PM20D2: variants seen among roughly 807,000 people sequenced by gnomAD.
PM20D2 encodes the protein xaa-Arg dipeptidase.
A neutral mutation model predicts 42.9 loss-of-function variants in PM20D2; 33 were observed. That is an observed-to-expected ratio of 0.77 (90% CI 0.58 to 1.03). The LOEUF is 1.03. PM20D2 is among the 50% of genes least tolerant of loss of function. The probability of loss-of-function intolerance (pLI) is 0.00; values close to 1 mark genes in which losing one functional copy is unlikely to be tolerated. For synonymous variants in PM20D2, 250 were observed against 228.2 expected (o/e 1.10, Z -0.86); for missense variants, 548 against 557.0 (o/e 0.98, Z 0.16).
Position 89,162,374 on chromosome 6 carries a change from A to ACT in PM20D2, c.*112_*113insTC. 8.9e-7 allele frequency: 1 copy of ACT among 1,121,444 alleles called. No individual in the cohort carries two copies. Among genetic ancestry groups the ACT allele is most frequent in the Non-Finnish European group, 1.2e-6 (1 of 804,440 alleles). The allele number at this position is 1,121,444 out of a possible 1,614,324, so 69.5% of individuals were successfully genotyped here. On this transcript the variant is annotated 3_prime_UTR_variant, in exon 7 of 7. Transcript: ENST00000275072. ...ATCTTAAAGGAGTAAAATTCTTTTT[A>ACT]CCTGATAAGTGAGGACAGGGTGTGG... is the stretch of plus-strand genomic sequence containing the variant.
chr6:89,104,225 T>A, the PM20D2 span, among the ~76,000 whole-genome samples: 2 of 19,126 alleles, frequency 1.0e-4, no homozygotes, highest in Non-Finnish European at 3.5e-4. Context: ...CTCATCACCT[T>A]TTTTTTTTTT....
chr6:89,139,739 C>T, the PM20D2 span, among the ~76,000 whole-genome samples: 65 of 152,050 alleles, frequency 4.3e-4, no homozygotes, highest in Admixed American at 1.8e-3. Flanking sequence ...AGGGTGGGGC[C>T]CCAGCTGGAG....
At chr6:89,159,417 A>G (rs1256022696) in intron 5 of PM20D2, among the ~76,000 whole-genome samples, 2 of 152,172 alleles carry the variant, frequency 1.3e-5, no homozygotes, top group Non-Finnish European at 2.9e-5. Flanking sequence ...AATAAGATGA[A>G]TATGGTCTAG....
the PM20D2 span, among the ~76,000 whole-genome samples, chr6:89,109,039 A>G: frequency 6.6e-6 from 1 of 152,124 alleles, no homozygotes; most frequent in Non-Finnish European, 1.5e-5. Flanking sequence ...ATACTTATTG[A>G]GCACCTACCA....
Position 89,148,311 on chromosome 6 carries a change from T to G in PM20D2, c.466-954T>G, listed in dbSNP as rs143095126. On this transcript the variant is annotated intron_variant, in intron 1 of 6. Transcript: ENST00000275072. ...CTAACTTCAAATGGTTGTTCTCAATTTTAGCAAGGTTAAGTTATTAATTAT... is the reference window on the plus strand; with the variant it reads ...CTAACTTCAAATGGTTGTTCTCAATGTTAGCAAGGTTAAGTTATTAATTAT... Among the ~76,000 whole-genome samples, 8 of 152,286 alleles carry G rather than the reference T, an allele frequency of 5.3e-5. No individual in the cohort carries two copies. In the East Asian group the frequency reaches 1.5e-3, roughly 29 times the overall value.
the PM20D2 span, among the ~76,000 whole-genome samples, chr6:89,103,763 A>G: frequency 2.0e-5 from 3 of 152,090 alleles, no homozygotes; most frequent in Non-Finnish European, 2.9e-5. Flanking sequence ...CCTGGTCCAT[A>G]TAATTAATTT....
At chr6:89,133,270 A>T in the PM20D2 span, among the ~76,000 whole-genome samples, 1 of 151,262 alleles carries the variant, frequency 6.6e-6, no homozygotes, top group East Asian at 1.9e-4. Flanking sequence ...AAAATTTAAT[A>T]AAAGAACATA....
At chr6:89,149,896 A>G (rs956229276) in intron 2 of PM20D2, among the ~76,000 whole-genome samples, 1 of 152,184 alleles carries the variant, frequency 6.6e-6, no homozygotes, top group Non-Finnish European at 1.5e-5. Context: ...GGAACTTCTC[A>G]TTCTGTGCTT....
intron 3 of PM20D2, among the ~76,000 whole-genome samples, chr6:89,153,581 T>C (rs908848397): frequency 6.6e-6 from 1 of 152,146 alleles, no homozygotes; most frequent in African/African-American, 2.4e-5. Context: ...GTGCTGTTAG[T>C]CCTGAGTAAT....
chr6:89,096,527 GC>G, the PM20D2 span: 1 of 152,158 alleles, frequency 6.6e-6, no homozygotes, highest in Admixed American at 6.5e-5. Context: ...CTCCTAAGCA[GC>G]CCAGGGATTA....
rs1771332395 is a variant in PM20D2, at chr6:89,164,135, A to T, written c.*1872A>T. On this transcript the variant is annotated 3_prime_UTR_variant, in exon 7 of 7. Transcript: ENST00000275072. ...CTACTCAAGAAATTTTCCCTTTTTAATTGCCTCTATAGCACTCATAAGAGC... is the reference window on the plus strand; with the variant it reads ...CTACTCAAGAAATTTTCCCTTTTTATTTGCCTCTATAGCACTCATAAGAGC... The T allele has an allele frequency of 1.3e-5, 2 of 152,180 alleles. 1 individual carries two copies. The highest frequency in any genetic ancestry group is 4.1e-4 in the South Asian group (2 of 4,830). The allele number at this position is 152,180 out of a possible 1,614,324, so 9.4% of individuals were successfully genotyped here. A position where few individuals can be genotyped will look rare whatever the true frequency, so the allele number is the denominator to read the frequency against.
In PM20D2 at chr6:89,158,357, C is replaced by T; in HGVS notation, c.945C>T (p.Tyr315=). 3.7e-6 allele frequency: 6 copies of T among 1,602,626 alleles called. No individual in the cohort carries two copies. The highest frequency in any genetic ancestry group is 1.4e-5 in the African/African-American group (1 of 74,072). The part of the protein sequence containing the change: ...VEIKGGAHDY[Y]NVLPNKSLWK... ...TTAAAGGTGGAGCACATGATTATTACAATGTTCTTCCCAATAAGAGCCTAT... is the reference window on the plus strand; with the variant it reads ...TTAAAGGTGGAGCACATGATTATTATAATGTTCTTCCCAATAAGAGCCTAT... Residue 315 remains tyrosine (Y), a synonymous_variant, in exon 5 of 7, where the codon TAC becomes TAT. Transcript: ENST00000275072.
the PM20D2 span, among the ~76,000 whole-genome samples, chr6:89,108,993 A>ATC: frequency 6.6e-6 from 1 of 152,196 alleles, no homozygotes; most frequent in Non-Finnish European, 1.5e-5. Context: ...GACAGTGACA[A>ATC]TGTCTTTTTT....
chr6:89,099,060 T>C, the PM20D2 span: 7 of 1,279,910 alleles, frequency 5.5e-6, no homozygotes, highest in African/African-American at 1.5e-5. Context: ...TTTTACTAGA[T>C]AAGCTAAAAA....
the PM20D2 span, among the ~76,000 whole-genome samples, chr6:89,130,026 G>A: frequency 6.6e-6 from 1 of 150,712 alleles, no homozygotes; most frequent in South Asian, 2.1e-4. Flanking sequence ...GTGAGCCACT[G>A]TGCCTGGCTC....
chr6:89,138,600 C>T, the PM20D2 span, among the ~76,000 whole-genome samples: 3 of 152,132 alleles, frequency 2.0e-5, no homozygotes, highest in Admixed American at 2.0e-4. Flanking sequence ...GGCATGGTGG[C>T]TTACTTTGGG....
Position 89,153,266 on chromosome 6 carries a change from A to T in PM20D2, c.757+81A>T, listed in dbSNP as rs536376005. On this transcript the variant is annotated intron_variant, in intron 3 of 6. Transcript: ENST00000275072. ...TATAATTATTTAATATTCAATTTTT[A>T]AAAATTTGGAAATATTTTTGTACTT... 6 of 1,131,352 alleles carry T rather than the reference A, an allele frequency of 5.3e-6. 1 individual carries two copies. The highest frequency in any genetic ancestry group is 2.8e-4 in the Middle Eastern group (1 of 3,562). The allele number at this position is 1,131,352 out of a possible 1,614,324, so 70.1% of individuals were successfully genotyped here.
the PM20D2 span, among the ~76,000 whole-genome samples, chr6:89,131,459 G>A: frequency 0.019 from 2,936 of 151,642 alleles, 89 homozygotes; most frequent in African/African-American, 0.065. Context: ...AGACTGAGGC[G>A]GGAAGATAAT....
At chr6:89,098,540 T>C in the PM20D2 span, 3 of 1,548,762 alleles carry the variant, frequency 1.9e-6, no homozygotes, top group South Asian at 1.3e-5. Flanking sequence ...GTTTAATAAC[T>C]TATATTAAAG....
Sources: allele counts gnomAD v4.1 joint callset (sites outside exome capture counted in the v4.1 genomes callset), GRCh38; gene constraint gnomAD v4.1.1; transcripts MANE v1.5; gene names NCBI Gene and HGNC (gene_info 2026-07-23, HGNC 2026-07-21).